The following ABR variants were observed in gnomAD, a reference collection of about 807,000 sequenced individuals.
The protein encoded by ABR is ABR activator of RhoGEF and GTPase, also known as active breakpoint cluster region-related protein.
In ABR, 35 loss-of-function variants were observed where a neutral mutation model predicts 107.2. The ratio of observed to expected loss-of-function variants is 0.33; its 90% confidence interval spans 0.25 to 0.43. ABR has a LOEUF of 0.43. Ranked by LOEUF, ABR falls within the 20% of genes least tolerant of loss-of-function variation. The pLI, the probability that ABR is intolerant of heterozygous loss-of-function variation, is 1.00. For missense variants in ABR, 815 were observed against 1,115.2 expected (o/e 0.73, Z 3.83); for synonymous variants, 498 against 462.0 (o/e 1.08, Z -1.00).
rs1196855503 is a variant in ABR at position 1,010,334 on chromosome 17, G to A, written c.2236+395C>T. The A allele has an allele frequency of 2.9e-5, 7 of 237,548 alleles. No homozygotes were observed. The highest frequency in any genetic ancestry group is 1.0e-4 in the Admixed American group (2 of 19,810). 14.7% of individuals were successfully genotyped at this position (237,548 alleles called of 1,614,324 possible). A position where few individuals can be genotyped will look rare whatever the true frequency, so the allele number is the denominator to read the frequency against. ...AGGTGACGGGACGGTGTGTGGTCCC[G>A]CTGGAAGGCTCAGCACAACCCATCT... On this transcript the variant is annotated intron_variant, in intron 20 of 22. Coordinates refer to ENST00000302538, the MANE Select transcript of ABR (RefSeq NM_021962.5). This position sits in a 1 kb window ranked among gnomAD's most constrained non-coding sequence, Gnocchi z 4.1.
chr17:1,026,209 G>C (rs1017786479), intron 16 of ABR, among the ~76,000 whole-genome samples: 3 of 152,210 alleles, frequency 2.0e-5, no homozygotes, highest in African/African-American at 4.8e-5. Flanking sequence ...GGATGTACTC[G>C]CGGGCACACA....
At chr17:1,228,710 C>T (rs2043269794) in intron 1 of ABR, 1 of 150,292 alleles carries the variant, frequency 6.7e-6, no homozygotes, top group African/African-American at 2.4e-5. Context: ...AACAGGGCCG[C>T]GGAGTCGGCC....
rs867338376 is a variant in ABR, at chr17:1,005,071, C to T, written c.*1009G>A. 17 of 398,778 alleles carry T rather than the reference C, an allele frequency of 4.3e-5. No individual in the cohort carries two copies. The South Asian group carries it at 5.1e-4, about 12-fold the overall frequency. 24.7% of individuals were successfully genotyped at this position (398,778 alleles called of 1,614,324 possible). On this transcript the variant is annotated 3_prime_UTR_variant, in exon 23 of 23. Transcript: ENST00000302538. ...GCTCCTAAGAGCTGAGCTGCCTCCC[C>T]GCGACCCGGGACACCCAGCGTGGCA...
chr17:1,113,965 T>C (rs754215928), intron 2 of ABR, among the ~76,000 whole-genome samples: 6 of 149,074 alleles, frequency 4.0e-5, no homozygotes, highest in Non-Finnish European at 8.9e-5. Flanking sequence ...CCCAGGAGTT[T>C]GAGACCAGCT....
chr17:1,220,123 C>G (rs906782451), intron 1 of ABR, among the ~76,000 whole-genome samples: 6 of 151,732 alleles, frequency 4.0e-5, no homozygotes, highest in Admixed American at 2.0e-4. Flanking sequence ...AATCCCATCT[C>G]TACTCAAAAT....
chr17:1,183,490 T>C (rs938833340), upstream of ABR, among the ~76,000 whole-genome samples: 1 of 152,290 alleles, frequency 6.6e-6, no homozygotes, highest in South Asian at 2.1e-4. Context: ...CAAGGCTATT[T>C]GCCCTGCTCC....
chr17:1,031,670 C>T (rs2072779841), intron 16 of ABR: 4 of 1,257,810 alleles, frequency 3.2e-6, no homozygotes, highest in Admixed American at 4.2e-5. Flanking sequence ...GCTTGCTCCC[C>T]GACTCCTCCA....
intron 2 of ABR, chr17:1,108,787 C>G: frequency 9.4e-7 from 1 of 1,067,216 alleles, no homozygotes; most frequent in Non-Finnish European, 1.3e-6. Flanking sequence ...GCCCCTCTCC[C>G]CCGGGAACAG....
chr17:1,161,711 C>A (rs1286394002), intron 1 of ABR, among the ~76,000 whole-genome samples: 2 of 152,156 alleles, frequency 1.3e-5, no homozygotes, highest in Non-Finnish European at 2.9e-5. Context: ...TGTACCACCA[C>A]ACCCAGCTAA....
intron 5 of ABR, among the ~76,000 whole-genome samples, chr17:1,081,580 G>A (rs1465344725): frequency 6.6e-6 from 1 of 152,128 alleles, no homozygotes; most frequent in African/African-American, 2.4e-5. Flanking sequence ...GGACTCAATA[G>A]ATACTTTTTT....
chr17:1,074,870 C>T (rs1228190481), intron 6 of ABR, among the ~76,000 whole-genome samples: 8 of 152,276 alleles, frequency 5.3e-5, no homozygotes, highest in South Asian at 4.1e-4. Context: ...CACTTGAACC[C>T]GGGAGGCGGA....
chr17:1,192,509 G>C (rs947273009), intron 1 of ABR, among the ~76,000 whole-genome samples: 1 of 152,166 alleles, frequency 6.6e-6, no homozygotes, highest in Admixed American at 6.5e-5. Context: ...GGGCACGGGG[G>C]CTCACACCTG....
chr17:1,092,655 T>C lies in ABR; in HGVS notation c.346-805A>G, dbSNP rs1023066821. 1.3e-5 allele frequency among the ~76,000 whole-genome samples: 2 copies of C among 151,758 alleles called. No individual in the cohort carries two copies. Among genetic ancestry groups the C allele is most frequent in the Non-Finnish European group, 2.9e-5 (2 of 67,930 alleles). On this transcript the variant is annotated intron_variant, in intron 3 of 22. Transcript: ENST00000302538. This position sits in a 1 kb window ranked among gnomAD's most constrained non-coding sequence, Gnocchi z 4.6. ...ACGTGCAGGCATTTCCTCAGTGTGG[T>C]TCTCTGCATTTTATAAATCACCTAC...
intron 10 of ABR, among the ~76,000 whole-genome samples, chr17:1,060,820 G>A (rs1410541175): frequency 1.3e-5 from 2 of 151,904 alleles, no homozygotes; most frequent in African/African-American, 4.8e-5. Context: ...GTGAAACCCC[G>A]TCTCTACTAA....
At chr17:1,097,646 A>T (rs372981750) in intron 3 of ABR, among the ~76,000 whole-genome samples, 1 of 151,494 alleles carries the variant, frequency 6.6e-6, no homozygotes, top group East Asian at 1.9e-4. Context: ...CCTCACAACG[A>T]CCCCATGAAA....
At chr17:1,016,664 T>C (rs2071191856) in intron 16 of ABR, among the ~76,000 whole-genome samples, 1 of 152,024 alleles carries the variant, frequency 6.6e-6, no homozygotes, top group Non-Finnish European at 1.5e-5. Context: ...CCAGGAGGTC[T>C]GCGCACCCCG....
intron 1 of ABR, among the ~76,000 whole-genome samples, chr17:1,142,993 G>A (rs1254221918): frequency 6.7e-6 from 1 of 149,618 alleles, no homozygotes; most frequent in Non-Finnish European, 1.5e-5. Context: ...CGCTCCTGGG[G>A]GACAGCTCAT....
At chr17:1,176,720 G>A (rs920880689) in intron 1 of ABR, among the ~76,000 whole-genome samples, 4 of 152,066 alleles carry the variant, frequency 2.6e-5, no homozygotes, top group Admixed American at 6.6e-5. Flanking sequence ...GGTGGCAGGC[G>A]CCCATAATCC....
chr17:1,071,289 C>A lies in ABR; in HGVS notation c.895-1199G>T, dbSNP rs1288172288. Among the ~76,000 whole-genome samples, 1 of 152,168 alleles carries A rather than the reference C, an allele frequency of 6.6e-6. No individual in the cohort carries two copies. The highest frequency in any genetic ancestry group is 1.5e-5 in the Non-Finnish European group (1 of 68,010). ...ATCAGCACCAGGAGCCGCACGGAAT[C>A]GGCTCTCTCTGCCCAGTGGACACTG... is the stretch of plus-strand genomic sequence containing the variant. On this transcript the variant is annotated intron_variant, in intron 8 of 22. Coordinates refer to ENST00000302538, the MANE Select transcript of ABR (RefSeq NM_021962.5). This position sits in a 1 kb window ranked among gnomAD's most constrained non-coding sequence, Gnocchi z 5.1.
Sources: gnomAD v4.1 joint callset for allele counts (sites outside exome capture counted in the v4.1 genomes callset) on GRCh38, gnomAD v4.1.1 for gene constraint, Gnocchi (gnomAD v3.1) non-coding constraint, MANE v1.5 for transcripts, NCBI Gene and HGNC (gene_info 2026-07-23, HGNC 2026-07-21) for gene names.